Variants in TRIM4 observed in about 807,000 individuals in gnomAD.
TRIM4 encodes tripartite motif containing 4, also known as E3 ubiquitin-protein ligase TRIM4.
In TRIM4, 29 loss-of-function variants were observed where a neutral mutation model predicts 33.7. That is an observed-to-expected ratio of 0.86 (90% CI 0.64 to 1.17). The LOEUF (loss-of-function observed/expected upper bound fraction) is 1.17, where lower values mean the gene tolerates loss of function less well. TRIM4 is among the 50% of genes most tolerant of loss of function. The pLI is 0.00. For synonymous variants in TRIM4, 224 were observed against 233.0 expected, an observed-to-expected ratio of 0.96 and a Z score of 0.35; for missense variants, 554 against 593.7, an observed-to-expected ratio of 0.93 and a Z score of 0.69.
intron 1 of TRIM4, among the ~76,000 whole-genome samples, chr7:99,915,626 T>C (rs1819539573): frequency 6.6e-6 from 1 of 152,166 alleles, no homozygotes; most frequent in African/African-American, 2.4e-5. Context: ...TTTATGTTTT[T>C]CTAACTAACT....
At chr7:99,898,563 C>A (rs1020964447) in intron 5 of TRIM4, among the ~76,000 whole-genome samples, 6 of 152,318 alleles carry the variant, frequency 3.9e-5, no homozygotes, top group African/African-American at 1.2e-4. Context: ...CGGACACATT[C>A]TGTCCCATTG....
chr7:99,899,293 G>A (rs1318005668), intron 5 of TRIM4, among the ~76,000 whole-genome samples: 1 of 152,176 alleles, frequency 6.6e-6, no homozygotes, highest in African/African-American at 2.4e-5. Flanking sequence ...TGGGTTAAAT[G>A]GAAGGTCCCA....
chr7:99,905,534 G>A (rs769560760), intron 3 of TRIM4, among the ~76,000 whole-genome samples: 4 of 152,058 alleles, frequency 2.6e-5, no homozygotes, highest in African/African-American at 9.7e-5. Context: ...ACTATACAGC[G>A]GGCACTACTG....
chr7:99,915,239 C>T (rs912640249), intron 1 of TRIM4, among the ~76,000 whole-genome samples: 4 of 152,234 alleles, frequency 2.6e-5, no homozygotes, highest in African/African-American at 9.6e-5. Flanking sequence ...AAAGCCTTTA[C>T]CTGTCTTGTT....
At chr7:99,907,715 A>G (rs1000744202) in intron 3 of TRIM4, among the ~76,000 whole-genome samples, 2 of 152,246 alleles carry the variant, frequency 1.3e-5, no homozygotes, top group Non-Finnish European at 2.9e-5. Flanking sequence ...TCTTATTGAT[A>G]ATAACTACTG....
At chr7:99,917,840 G>T (rs1819590820) in intron 1 of TRIM4, 1 of 985,274 alleles carries the variant, frequency 1.0e-6, no homozygotes, top group African/African-American at 1.7e-5. Flanking sequence ...GGGCTACTCT[G>T]GAAAGGATGA....
chr7:99,890,769 A>G lies in TRIM4; in HGVS notation c.*1394T>C, dbSNP rs1219273143. Reference sequence around the variant, plus strand: ...GGTATCAAAAAAGTATCTATTGGGTACTATGCTTATTACCTGGGTAATGAA... The same window carrying G: ...GGTATCAAAAAAGTATCTATTGGGTGCTATGCTTATTACCTGGGTAATGAA... On this transcript the variant is annotated 3_prime_UTR_variant, in exon 6 of 6. Coordinates refer to ENST00000349062, the MANE Select transcript of TRIM4 (RefSeq NM_033091.3). 1 of 152,212 alleles carries G rather than the reference A, an allele frequency of 6.6e-6. No individual in the cohort carries two copies. Among genetic ancestry groups the G allele is most frequent in the Non-Finnish European group, 1.5e-5 (1 of 68,046 alleles). 9.4% of individuals were successfully genotyped at this position (152,212 alleles called of 1,614,324 possible). A position where few individuals can be genotyped will look rare whatever the true frequency, so the allele number is the denominator to read the frequency against.
chr7:99,906,196 AC>A (rs1032923087), intron 3 of TRIM4, among the ~76,000 whole-genome samples: 1 of 152,072 alleles, frequency 6.6e-6, no homozygotes, highest in African/African-American at 2.4e-5. Context: ...GAGGGAGGCT[AC>A]CCTTTGAGGA....
chr7:99,891,976 C>T lies in TRIM4; in HGVS notation c.*187G>A, dbSNP rs533892832. Reference sequence around the variant, plus strand: ...AAATTTCCTGTCCCATCTCCATTGGCCAGACCCACCTCCCATGGGACTGCC... The same window carrying T: ...AAATTTCCTGTCCCATCTCCATTGGTCAGACCCACCTCCCATGGGACTGCC... On this transcript the variant is annotated 3_prime_UTR_variant, in exon 6 of 6. Transcript: ENST00000349062. 69 of 575,218 alleles carry T rather than the reference C, an allele frequency of 1.2e-4. No homozygotes were observed. The highest frequency in any genetic ancestry group is 1.8e-4 in the Non-Finnish European group (60 of 335,210). The allele number at this position is 575,218 out of a possible 1,614,324, so 35.6% of individuals were successfully genotyped here.
chr7:99,914,105 T>C (rs926542445), intron 1 of TRIM4, among the ~76,000 whole-genome samples: 3 of 152,202 alleles, frequency 2.0e-5, no homozygotes, highest in Admixed American at 2.0e-4. Flanking sequence ...CTGCCACCGC[T>C]AGTTGAAGCC....
At chr7:99,914,499 C>T (rs1819509533) in intron 1 of TRIM4, among the ~76,000 whole-genome samples, 1 of 152,166 alleles carries the variant, frequency 6.6e-6, no homozygotes, top group Admixed American at 6.5e-5. Context: ...TGTCACTCTC[C>T]TGCTCAAGAT....
At position 99,892,468 on chromosome 7, in the gene TRIM4, C is replaced by T; in HGVS notation, c.1120G>A (p.Asp374Asn). ...GAACGATCAGTAATTCCCATGACGT[C>T]CTCCCGACACACCCCAACAGCAACC... The part of the protein sequence containing the change: ...LEVAVGVCRE[D>N]VMGITDRSKM... The change falls in exon 6 of 6, where the codon GAC (aspartate) becomes AAC (asparagine). Residue 374 changes from aspartate to asparagine, a missense_variant. Physicochemically the swap from Asp to Asn is conservative, Grantham distance 23 (BLOSUM62 1). Coordinates refer to ENST00000349062, the MANE Select transcript of TRIM4 (RefSeq NM_033091.3). 6.2e-7 allele frequency: 1 copy of T among 1,614,120 alleles called. No homozygotes were observed. Among genetic ancestry groups the T allele is most frequent in the Non-Finnish European group, 8.5e-7 (1 of 1,180,024 alleles).
At chr7:99,897,580 A>G (rs1164641157) in intron 5 of TRIM4, among the ~76,000 whole-genome samples, 1 of 152,216 alleles carries the variant, frequency 6.6e-6, no homozygotes, top group Admixed American at 6.5e-5. Context: ...ACTAAAAAAA[A>G]GAACAAAAGA....
At position 99,909,659 on chromosome 7, in the gene TRIM4, T is replaced by C. The variant is rs1584270250; in HGVS notation, c.395A>G (p.Glu132Gly). Residue 132 changes from glutamate (E) to glycine (G), a missense_variant and splice_region_variant, in exon 2 of 6, where the codon GAG becomes GGG. By Grantham distance (98) the Glu-to-Gly change is moderately conservative (BLOSUM62 -2). Around this residue, in one of 3 missense-constraint regions of TRIM4, gnomAD observed 233 missense variants for 203.1 expected, o/e 1.15. Coordinates refer to ENST00000349062, the MANE Select transcript of TRIM4 (RefSeq NM_033091.3). ...ATTACGCTGAGACTTAAGAAGTTTC[T>C]CCTGCCAGCAGAAACACACACAGGT... ...PIDEAFESYREKLLKSQRNLV... is the reference protein window; with the variant it reads ...PIDEAFESYRGKLLKSQRNLV... 6.2e-7 allele frequency: 1 copy of C among 1,612,326 alleles called. No individual in the cohort carries two copies. Among genetic ancestry groups the C allele is most frequent in the Non-Finnish European group, 8.5e-7 (1 of 1,179,414 alleles).
At position 99,919,206 on chromosome 7, in the gene TRIM4, C is replaced by A. The variant is rs1426548521; in HGVS notation, c.196G>T (p.Ala66Ser). 10 of 1,512,746 alleles carry A rather than the reference C, an allele frequency of 6.6e-6. No individual in the cohort carries two copies. The highest frequency in any genetic ancestry group is 8.0e-6 in the Non-Finnish European group (9 of 1,131,364). The allele number at this position is 1,512,746 out of a possible 1,614,324, so 93.7% of individuals were successfully genotyped here. A position where few individuals can be genotyped will look rare whatever the true frequency, so the allele number is the denominator to read the frequency against. Residue 66 changes from alanine (A) to serine (S), a missense_variant, in exon 1 of 6, where the codon GCC (alanine) becomes TCC (serine). By Grantham distance (99) the Ala-to-Ser change is moderately conservative. Transcript: ENST00000349062. ...GTCTTCTCAGTCAGCCTGGCCAGGG[C>A]CCAGTTGGGTCGCAGCGCGGCGGGC... Reference protein sequence around the residue: ...SAPAALRPNWALARLTEKTQR... With the variant: ...SAPAALRPNWSLARLTEKTQR...
intron 3 of TRIM4, among the ~76,000 whole-genome samples, chr7:99,905,337 A>G (rs1819275334): frequency 6.6e-6 from 1 of 152,252 alleles, no homozygotes; most frequent in South Asian, 2.1e-4. Flanking sequence ...ACACACATGT[A>G]TGTCCTATGA....
chr7:99,900,682 T>C (rs1039823641), intron 5 of TRIM4, among the ~76,000 whole-genome samples: 9 of 147,074 alleles, frequency 6.1e-5, no homozygotes. Context: ...TCCAAACTTA[T>C]TTATTTCACC....
At chr7:99,915,982 T>C (rs1296062807) in intron 1 of TRIM4, among the ~76,000 whole-genome samples, 1 of 152,220 alleles carries the variant, frequency 6.6e-6, no homozygotes, top group African/African-American at 2.4e-5. Context: ...CACATCTCTG[T>C]GGCACAGTTG....
At chr7:99,918,722 A>G (rs1048324326) in intron 1 of TRIM4, among the ~76,000 whole-genome samples, 2 of 152,200 alleles carry the variant, frequency 1.3e-5, no homozygotes, top group African/African-American at 2.4e-5. Context: ...ATTGGACAGC[A>G]GCGGCACACA....
Sources: allele counts gnomAD v4.1 joint callset (sites outside exome capture counted in the v4.1 genomes callset), GRCh38; gene constraint gnomAD v4.1.1; regional missense constraint gnomAD v4.1.1; transcripts MANE v1.5; gene names NCBI Gene and HGNC (gene_info 2026-07-23, HGNC 2026-07-21).